The following SKAP2 variants were observed in gnomAD, a reference collection of about 807,000 sequenced individuals.
The protein encoded by SKAP2 is src kinase associated phosphoprotein 2.
SKAP2 carries 28 observed loss-of-function variants against 54.9 expected under a neutral mutation model. The observed-to-expected ratio is 0.51, with a 90% CI of 0.38 to 0.70. The LOEUF is 0.70. Among genes scored for constraint, SKAP2 ranks in the 30% least tolerant of loss-of-function variants. The probability of loss-of-function intolerance (pLI) is 0.00; values close to 1 mark genes in which losing one functional copy is unlikely to be tolerated. For missense variants in SKAP2, 356 were observed against 424.1 expected, an observed-to-expected ratio of 0.84 and a Z score of 1.41; for synonymous variants, 137 against 134.3, an observed-to-expected ratio of 1.02 and a Z score of -0.14.
At chr7:26,801,233 T>C (rs1783908033) in intron 4 of SKAP2, among the ~76,000 whole-genome samples, 1 of 152,124 alleles carries the variant, frequency 6.6e-6, no homozygotes, top group African/African-American at 2.4e-5. Flanking sequence ...ATACATCATA[T>C]CAATAGAATG....
At position 26,853,858 on chromosome 7, in the gene SKAP2, A is replaced by T. The variant is rs182023159; in HGVS notation, c.199+279T>A. Among the ~76,000 whole-genome samples the T allele has an allele frequency of 5.3e-5, 8 of 152,256 alleles. No individual in the cohort carries two copies. The East Asian group carries it at 1.5e-3, about 29-fold the overall frequency. ...ATTGCACGTTTTTACCTTTCCTAAC[A>T]AATTTCTGCCACAATGTACTCTAAG... On this transcript the variant is annotated intron_variant, in intron 3 of 12. Transcript: ENST00000345317.
At chr7:26,837,453 A>G (rs1784738491) in intron 4 of SKAP2, among the ~76,000 whole-genome samples, 1 of 152,132 alleles carries the variant, frequency 6.6e-6, no homozygotes, top group Non-Finnish European at 1.5e-5. Flanking sequence ...TCATGGTGGA[A>G]GGCAAAGCGG....
At chr7:26,691,170 T>C (rs1786771797) in intron 9 of SKAP2, among the ~76,000 whole-genome samples, 1 of 152,172 alleles carries the variant, frequency 6.6e-6, no homozygotes, top group African/African-American at 2.4e-5. Context: ...ATCCTACATA[T>C]AATCAGTGCT....
chr7:26,746,945 G>A (rs1028443008), intron 4 of SKAP2, among the ~76,000 whole-genome samples: 2 of 151,966 alleles, frequency 1.3e-5, no homozygotes, highest in African/African-American at 4.8e-5. Flanking sequence ...ACCTTGGCCT[G>A]GAATATGTAT....
chr7:26,861,401 G>A (rs1460209376), intron 1 of SKAP2, among the ~76,000 whole-genome samples: 1 of 152,084 alleles, frequency 6.6e-6, no homozygotes, highest in Admixed American at 6.5e-5. Context: ...ATCAAAGGTT[G>A]CCTGTAATGC....
intron 4 of SKAP2, among the ~76,000 whole-genome samples, chr7:26,758,932 T>G (rs905304356): frequency 1.1e-4 from 17 of 152,196 alleles, no homozygotes; most frequent in Admixed American, 6.5e-5. Context: ...GACGTCCACA[T>G]GAACTAGACA....
downstream of SKAP2, among the ~76,000 whole-genome samples, chr7:26,664,931 G>A (rs930106104): frequency 9.2e-5 from 14 of 152,080 alleles, no homozygotes; most frequent in Non-Finnish European, 1.8e-4. Flanking sequence ...TGACTAAGGC[G>A]ACTTTCTGCA....
intron 4 of SKAP2, among the ~76,000 whole-genome samples, chr7:26,769,097 C>T (rs1783125508): frequency 1.3e-5 from 2 of 152,188 alleles, no homozygotes; most frequent in East Asian, 3.9e-4. Flanking sequence ...GTACACTAAT[C>T]AAACGTAGGT....
intron 6 of SKAP2, among the ~76,000 whole-genome samples, chr7:26,733,732 C>T (rs1787867486): frequency 6.6e-6 from 1 of 152,032 alleles, no homozygotes; most frequent in Admixed American, 6.6e-5. Context: ...CCATATTAAG[C>T]CCAATTTTCT....
chr7:26,803,757 T>G (rs1256415593), intron 4 of SKAP2, among the ~76,000 whole-genome samples: 1 of 152,152 alleles, frequency 6.6e-6, no homozygotes, highest in Non-Finnish European at 1.5e-5. Context: ...GAAAATGTGG[T>G]ACATATACAC....
At chr7:26,751,054 T>G (rs948520881) in intron 4 of SKAP2, among the ~76,000 whole-genome samples, 1 of 152,188 alleles carries the variant, frequency 6.6e-6, no homozygotes, top group African/African-American at 2.4e-5. Flanking sequence ...TTTTTCCTAT[T>G]CTGTATACAA....
chr7:26,697,007 T>G (rs955325268), intron 9 of SKAP2, among the ~76,000 whole-genome samples: 1 of 152,148 alleles, frequency 6.6e-6, no homozygotes. Flanking sequence ...ATGATTGGGA[T>G]GTTGAGGAAA....
chr7:26,778,322 A>T (rs1330011934), intron 4 of SKAP2, among the ~76,000 whole-genome samples: 5 of 152,084 alleles, frequency 3.3e-5, no homozygotes, highest in Admixed American at 1.3e-4. Flanking sequence ...GAACAATAAA[A>T]GCACCAATCT....
intron 9 of SKAP2, among the ~76,000 whole-genome samples, chr7:26,702,863 C>T (rs567316393): frequency 1.3e-5 from 2 of 152,168 alleles, no homozygotes; most frequent in African/African-American, 2.4e-5. Context: ...TTCTAATTTG[C>T]GAATAGAGAT....
chr7:26,725,847 T>C (rs1787695867), intron 8 of SKAP2, 76 bp downstream of exon 8: 5 of 1,190,612 alleles, frequency 4.2e-6, no homozygotes, highest in African/African-American at 1.5e-5. Context: ...AATAAGCTTT[T>C]GTATATGAAA....
At chr7:26,793,616 A>T (rs1390415104) in intron 4 of SKAP2, among the ~76,000 whole-genome samples, 1 of 152,202 alleles carries the variant, frequency 6.6e-6, no homozygotes, top group Non-Finnish European at 1.5e-5. Flanking sequence ...TCTTAATCCC[A>T]AATAAGAGGT....
intron 4 of SKAP2, among the ~76,000 whole-genome samples, chr7:26,758,486 T>G (rs1437206538): frequency 6.6e-6 from 1 of 152,212 alleles, no homozygotes; most frequent in East Asian, 1.9e-4. Context: ...TTCACCTACC[T>G]GGCTATTCTT....
intron 4 of SKAP2, among the ~76,000 whole-genome samples, chr7:26,824,077 G>A (rs924188655): frequency 1.4e-5 from 2 of 144,250 alleles, no homozygotes; most frequent in East Asian, 2.2e-4. Context: ...CATGCCAGAG[G>A]GAAATCTTTC....
intron 4 of SKAP2, among the ~76,000 whole-genome samples, chr7:26,790,591 C>T (rs2127981406): frequency 6.6e-6 from 1 of 152,268 alleles, no homozygotes. Context: ...CTTTCTACCT[C>T]AGTAAGAACA....
Sources: allele counts gnomAD v4.1 joint callset (sites outside exome capture counted in the v4.1 genomes callset), GRCh38; gene constraint gnomAD v4.1.1; transcripts MANE v1.5; gene names NCBI Gene and HGNC (gene_info 2026-07-23, HGNC 2026-07-21).